Variants in SAMD15 observed in about 807,000 individuals in gnomAD.
SAMD15 encodes the protein sterile alpha motif domain-containing protein 15.
In SAMD15, 37 loss-of-function variants were observed where a neutral mutation model predicts 50.5. The ratio of observed to expected loss-of-function variants is 0.73; its 90% CI spans 0.56 to 0.96. The LOEUF is 0.96. SAMD15 is among the 40% of genes least tolerant of loss of function. The probability of loss-of-function intolerance (pLI) is 0.00; values close to 1 mark genes in which losing one functional copy is unlikely to be tolerated. For synonymous variants in SAMD15, 255 were observed against 282.8 expected, an observed-to-expected ratio of 0.90 and a Z score of 0.99; for missense variants, 789 against 783.8, an observed-to-expected ratio of 1.01 and a Z score of -0.08.
At position 77,387,511 on chromosome 14, in the gene SAMD15, T is replaced by C. The variant is rs188082058; in HGVS notation, c.1789-3497T>C. Among the ~76,000 whole-genome samples, 366 of 152,284 alleles carry C rather than the reference T, an allele frequency of 2.4e-3. 2 individuals are homozygous for C. The highest frequency in any genetic ancestry group is 4.3e-3 in the Non-Finnish European group (293 of 68,028). ...ACCTGTCAGAGGACTTCTTGTTTCA[T>C]TGATGAACTTCAGACACACTTTTAA... On this transcript the variant is annotated intron_variant, in intron 2 of 2. Coordinates refer to ENST00000216471, the MANE Select transcript of SAMD15 (RefSeq NM_001010860.4).
At chr14:77,386,967 CCACG>C (rs1399377827) in intron 2 of SAMD15, among the ~76,000 whole-genome samples, 7 of 152,180 alleles carry the variant, frequency 4.6e-5, no homozygotes, top group Non-Finnish European at 7.3e-5. Flanking sequence ...TGCCGTGATG[CCACG>C]CACTGAGTAT....
At chr14:77,384,013 G>A (rs1477142059) in intron 2 of SAMD15, among the ~76,000 whole-genome samples, 1 of 144,200 alleles carries the variant, frequency 6.9e-6, no homozygotes, top group African/African-American at 2.6e-5. Flanking sequence ...ACCTGATTAT[G>A]CTCTAAGACA....
chr14:77,381,008 G>A (rs1383016532), intron 2 of SAMD15, among the ~76,000 whole-genome samples: 3 of 152,016 alleles, frequency 2.0e-5, no homozygotes, highest in African/African-American at 7.2e-5. Context: ...TGCCTGGTGC[G>A]TTCTTCTCTC....
Position 77,380,620 on chromosome 14 carries a change from G to A in SAMD15, c.1788+139G>A, listed in dbSNP as rs958038300. On this transcript the variant is annotated intron_variant, in intron 2 of 2. Transcript: ENST00000216471. ...ATAATTCCAGTTCCTCAGGCTCACG[G>A]TGGTTGCCTCCTCTTTCTCCTTTGA... 2.1e-5 allele frequency: 13 copies of A among 619,470 alleles called. No homozygotes were observed. The African/African-American group carries it at 2.2e-4, about 11-fold the overall frequency. The allele number at this position is 619,470 out of a possible 1,614,324, so 38.4% of individuals were successfully genotyped here. A position where few individuals can be genotyped will look rare whatever the true frequency, so the allele number is the denominator to read the frequency against.
At chr14:77,380,000 T>TA (rs1893922595) in intron 1 of SAMD15, among the ~76,000 whole-genome samples, 1 of 152,236 alleles carries the variant, frequency 6.6e-6, no homozygotes, top group Non-Finnish European at 1.5e-5. Context: ...CTACTATACT[T>TA]ACAAATGTAA....
At chr14:77,386,323 C>T (rs1017323389) in intron 2 of SAMD15, among the ~76,000 whole-genome samples, 1 of 152,100 alleles carries the variant, frequency 6.6e-6, no homozygotes, top group Admixed American at 6.6e-5. Context: ...ATCCCTTTAC[C>T]GTAATCCCTA....
Position 77,391,337 on chromosome 14 carries a change from T to TA in SAMD15, c.*93_*94insA, listed in dbSNP as rs1894070477. The TA allele has an allele frequency of 2.4e-6, 2 of 817,966 alleles. No homozygotes were observed. Among genetic ancestry groups the TA allele is most frequent in the Admixed American group, 5.1e-5 (2 of 39,386 alleles). The allele number at this position is 817,966 out of a possible 1,614,324, so 50.7% of individuals were successfully genotyped here. A position where few individuals can be genotyped will look rare whatever the true frequency, so the allele number is the denominator to read the frequency against. ...TTGGTTTTCTTTTTCTCCTTTTTTT[T>TA]TTTTTTATTTTTTTGAGACAGAGTC... is the stretch of plus-strand genomic sequence containing the variant. On this transcript the variant is annotated 3_prime_UTR_variant, in exon 3 of 3. Coordinates refer to ENST00000216471, the MANE Select transcript of SAMD15 (RefSeq NM_001010860.4).
intron 2 of SAMD15, among the ~76,000 whole-genome samples, chr14:77,388,861 G>A (rs897639389): frequency 1.3e-5 from 2 of 151,892 alleles, no homozygotes; most frequent in East Asian, 1.9e-4. Flanking sequence ...CACCTGCCTC[G>A]GCCTCCCAGA....
rs148358741 is a variant in SAMD15 at position 77,378,940 on chromosome 14, G to A, written c.1522G>A (p.Val508Ile). The change falls in exon 1 of 3, where the codon GTT becomes ATT. Residue 508 changes from valine (V) to isoleucine (I), a missense_variant. By Grantham distance (29) the Val-to-Ile change is conservative. Transcript: ENST00000216471. Reference sequence around the variant, plus strand: ...GTCTCAGACAGAATTAAGTGAGTTCGTTCATGAAAAGGAAGTTGTAGATTT... The same window carrying A: ...GTCTCAGACAGAATTAAGTGAGTTCATTCATGAAAAGGAAGTTGTAGATTT... Reference protein sequence around the residue: ...SESQTELSEFVHEKEVVDLSQ... With the variant: ...SESQTELSEFIHEKEVVDLSQ... The A allele has an allele frequency of 2.4e-5, 39 of 1,614,114 alleles. No homozygotes were observed. In the East Asian group the frequency reaches 6.0e-4, roughly 25 times the overall value.
intron 1 of SAMD15, 68 bp downstream of exon 1, chr14:77,379,175 G>A: frequency 7.0e-7 from 1 of 1,438,060 alleles, no homozygotes; most frequent in Non-Finnish European, 9.5e-7. Flanking sequence ...CTTCTAACTT[G>A]GCCTGAGCTC....
chr14:77,383,202 A>G lies in SAMD15; in HGVS notation c.1788+2721A>G, dbSNP rs564626633. Reference sequence around the variant, plus strand: ...AGGCTGCTCTGCCTACGGAGCAGCCATAGTCCTTGACTTTCTTAATAAACT... The same window carrying G: ...AGGCTGCTCTGCCTACGGAGCAGCCGTAGTCCTTGACTTTCTTAATAAACT... On this transcript the variant is annotated intron_variant, in intron 2 of 2. Transcript: ENST00000216471. 3.3e-5 allele frequency among the ~76,000 whole-genome samples: 5 copies of G among 152,364 alleles called. No individual in the cohort carries two copies. In the East Asian group the frequency reaches 9.6e-4, roughly 29 times the overall value.
At position 77,378,557 on chromosome 14, in the gene SAMD15, G is replaced by T; in HGVS notation, c.1139G>T (p.Gly380Val). The T allele has an allele frequency of 6.2e-7, 1 of 1,613,352 alleles. No individual in the cohort carries two copies. The highest frequency in any genetic ancestry group is 8.5e-7 in the Non-Finnish European group (1 of 1,179,776). ...KKNPQPPEET[G>V]PVLPQEINPQ... ...AATCCACAGCCACCAGAGGAGACTG[G>T]TCCAGTGCTACCACAGGAGATCAAC... is the stretch of plus-strand genomic sequence containing the variant. Residue 380 changes from glycine (G) to valine (V), a missense_variant, in exon 1 of 3, where the codon GGT becomes GTT. Physicochemically the swap from Gly to Val is moderately radical, Grantham distance 109. Coordinates refer to ENST00000216471, the MANE Select transcript of SAMD15 (RefSeq NM_001010860.4).
intron 2 of SAMD15, 143 bp from the exon 3 acceptor site, chr14:77,390,865 G>T: frequency 1.5e-6 from 1 of 657,246 alleles, no homozygotes. Context: ...ACTCCAGCCT[G>T]GGCGACAGAG....
At chr14:77,389,346 ACAAC>A (rs2139653694) in intron 2 of SAMD15, among the ~76,000 whole-genome samples, 1 of 129,072 alleles carries the variant, frequency 7.7e-6, no homozygotes, top group African/African-American at 3.2e-5. Flanking sequence ...TAAAAAAAAA[ACAAC>A]AAAAAAGTCC....
intron 2 of SAMD15, among the ~76,000 whole-genome samples, chr14:77,383,183 C>T (rs1893965839): frequency 6.6e-6 from 1 of 152,128 alleles, no homozygotes; most frequent in Non-Finnish European, 1.5e-5. Context: ...GAACAGGCTG[C>T]TCTGCCTACG....
intron 1 of SAMD15, among the ~76,000 whole-genome samples, chr14:77,379,772 T>C (rs117791978): frequency 2.5e-3 from 386 of 152,322 alleles, no homozygotes; most frequent in Non-Finnish European, 4.5e-3. Context: ...CAAGTTATTT[T>C]AGTGGCAGCT....
intron 2 of SAMD15, 49 bp downstream of exon 2, chr14:77,380,530 C>T: frequency 2.3e-6 from 3 of 1,293,098 alleles, no homozygotes; most frequent in Non-Finnish European, 3.4e-6. Context: ...ACAGTGCCAC[C>T]ATCTGTCTCA....
intron 2 of SAMD15, 71 bp from the exon 3 acceptor site, chr14:77,390,937 C>A (rs1894064950): frequency 2.1e-6 from 2 of 938,784 alleles, no homozygotes; most frequent in African/African-American, 1.7e-5. Flanking sequence ...GCTTAGAAAA[C>A]TAAATAAACC....
At chr14:77,379,551 G>A (rs911798854) in intron 1 of SAMD15, among the ~76,000 whole-genome samples, 3 of 151,960 alleles carry the variant, frequency 2.0e-5, no homozygotes, top group African/African-American at 7.3e-5. Context: ...GCCACCATGC[G>A]CGGCTAATTT....
Sources: allele counts gnomAD v4.1 joint callset (sites outside exome capture counted in the v4.1 genomes callset), GRCh38; gene constraint gnomAD v4.1.1; transcripts MANE v1.5; gene names NCBI Gene and HGNC (gene_info 2026-07-23, HGNC 2026-07-21).